The following MAP4K1 variants were observed in gnomAD, a reference collection of about 807,000 sequenced individuals.
The protein encoded by MAP4K1 is mitogen-activated protein kinase kinase kinase kinase 1, also known as MAPK/ERK kinase kinase kinase 1.
MAP4K1 carries 35 observed loss-of-function variants against 122.8 expected under a neutral mutation model. The ratio of observed to expected loss-of-function variants is 0.29; its 90% CI spans 0.22 to 0.38. MAP4K1 has a LOEUF of 0.38. Among genes scored for constraint, MAP4K1 ranks in the 10% least tolerant of loss-of-function variants. The probability of loss-of-function intolerance (pLI) is 1.00; values close to 1 mark genes in which losing one functional copy is unlikely to be tolerated. For synonymous variants in MAP4K1, 412 were observed against 421.3 expected, an observed-to-expected ratio of 0.98 and a Z score of 0.27; for missense variants, 791 against 1,072.6, an observed-to-expected ratio of 0.74 and a Z score of 3.67.
At chr19:38,593,154 G>A (rs1381931356) in intron 30 of MAP4K1, 128 bp downstream of exon 30, 22 of 780,838 alleles carry the variant, frequency 2.8e-5, no homozygotes, top group Non-Finnish European at 4.0e-5. Context: ...AGGGAGCAGG[G>A]ATGGAAGCAG....
Position 38,594,326 on chromosome 19 carries a change from AAG to A in MAP4K1, c.2341-991_2341-990del, listed in dbSNP as rs370608954. On this transcript the variant is annotated intron_variant, in intron 29 of 30. Coordinates refer to ENST00000396857, the MANE Select transcript of MAP4K1 (RefSeq NM_001042600.3). ...TGCACCACTGCACTTCAGCCTGGAC[AAG>A]AGAGAGAGACCCTATCTCCAAAACA... Among the ~76,000 whole-genome samples, 185 of 152,186 alleles carry A rather than the reference AAG, an allele frequency of 1.2e-3. 2 individuals carry two copies. Among genetic ancestry groups the A allele is most frequent in the South Asian group, 9.2e-3 (44 of 4,804 alleles).
Position 38,593,329 on chromosome 19 carries a change from C to A in MAP4K1, c.2349G>T (p.Gln783His). Residue 783 changes from glutamine to histidine, a missense_variant, in exon 30 of 31, where the codon CAG (glutamine) becomes CAT (histidine). Around this residue, in one of 4 missense-constraint regions of MAP4K1, gnomAD observed 267 missense variants for 323.0 expected, o/e 0.83. Coordinates refer to ENST00000396857, the MANE Select transcript of MAP4K1 (RefSeq NM_001042600.3). ...AAGTGAGGGTAGGGTCTCTCAGCTC[C>A]TGTAGCAGCTAGGGAAAAAAAGTGT... ...VWALGSDQLL[Q>H]ELRDPTLTFR... 6.2e-7 allele frequency: 1 copy of A among 1,610,414 alleles called. No individual in the cohort carries two copies. The highest frequency in any genetic ancestry group is 8.5e-7 in the Non-Finnish European group (1 of 1,178,230).
chr19:38,614,426 C>G lies in MAP4K1; in HGVS notation c.333G>C (p.Glu111Asp). The G allele has an allele frequency of 6.2e-7, 1 of 1,614,148 alleles. No individual in the cohort carries two copies. Among genetic ancestry groups the G allele is most frequent in the Non-Finnish European group, 8.5e-7 (1 of 1,180,026 alleles). The change falls in exon 5 of 31, where the codon GAG becomes GAC. Residue 111 changes from glutamate to aspartate, a missense_variant. Transcript: ENST00000396857. ...CCCGGCAGACATAGCTAATCTGGAG[C>G]TCTGACAGGGAGCCTGTCACTGCAA... The part of the protein sequence containing the change: ...DIYQVTGSLS[E>D]LQISYVCREV...
intron 30 of MAP4K1, among the ~76,000 whole-genome samples, chr19:38,591,340 C>G (rs1475848070): frequency 6.6e-6 from 1 of 150,478 alleles, no homozygotes; most frequent in African/African-American, 2.4e-5. Flanking sequence ...ACCAGCCTAA[C>G]CACCATGATG....
chr19:38,608,174 G>C lies in MAP4K1; in HGVS notation c.1007-4C>G. 6.6e-7 allele frequency: 1 copy of C among 1,508,244 alleles called. No individual in the cohort carries two copies. The highest frequency in any genetic ancestry group is 2.3e-5 in the East Asian group (1 of 43,446). 93.4% of individuals were successfully genotyped at this position (1,508,244 alleles called of 1,614,324 possible). A position where few individuals can be genotyped will look rare whatever the true frequency, so the allele number is the denominator to read the frequency against. On this transcript the variant is annotated splice_polypyrimidine_tract_variant and splice_region_variant and intron_variant, in intron 13 of 30. Coordinates refer to ENST00000396857, the MANE Select transcript of MAP4K1 (RefSeq NM_001042600.3). The stretch of plus-strand genomic sequence containing the variant: ...TTCCTGAACTCCATGTGCCGCCCTA[G>C]GGTGGGTGGGGGAAGATAACCTGCT...
At chr19:38,594,330 G>C (rs1974806862) in intron 29 of MAP4K1, among the ~76,000 whole-genome samples, 1 of 152,076 alleles carries the variant, frequency 6.6e-6, no homozygotes, top group Admixed American at 6.6e-5. Flanking sequence ...CTGGACAAGA[G>C]AGAGAGACCC....
chr19:38,611,023 C>T (rs1316101347), intron 11 of MAP4K1, 28 bp downstream of exon 11: 39 of 1,587,646 alleles, frequency 2.5e-5, no homozygotes, highest in Non-Finnish European at 3.3e-5. Context: ...GAATCCTAGG[C>T]TGAGGATCTT....
chr19:38,608,828 A>AAAAAAAAAAAAACAC (rs1555811720), intron 13 of MAP4K1, among the ~76,000 whole-genome samples: 2 of 137,246 alleles, frequency 1.5e-5, no homozygotes, highest in East Asian at 4.5e-4. Context: ...AAAAAAAAAA[A>AAAAAAAAAAAAACAC]ACATTAGCCA....
At position 38,593,750 on chromosome 19, in the gene MAP4K1, G is replaced by T. The variant is rs182127175; in HGVS notation, c.2341-413C>A. ...ACAAAAATTAGCCAGCTGTGGTGGC[G>T]CATGCCTGTAGTCCCAGCTACTTGT... On this transcript the variant is annotated intron_variant, in intron 29 of 30. Coordinates refer to ENST00000396857, the MANE Select transcript of MAP4K1 (RefSeq NM_001042600.3). Among the ~76,000 whole-genome samples, 5 of 152,060 alleles carry T rather than the reference G, an allele frequency of 3.3e-5. No individual in the cohort carries two copies. The South Asian group carries it at 1.0e-3, about 32-fold the overall frequency.
chr19:38,617,737 C>T lies in MAP4K1; in HGVS notation c.99+60G>A, dbSNP rs779174192. ...CCCCCTCTTGCAGCCTCCTCCCTGC[C>T]GAGGGCTTGCCTTAAAGGTCACTGG... On this transcript the variant is annotated intron_variant, in intron 1 of 30. Transcript: ENST00000396857. The surrounding 1 kb of genome is among the most constrained non-coding windows in gnomAD (Gnocchi z 4.1). 1.2e-5 allele frequency: 20 copies of T among 1,605,728 alleles called. No individual in the cohort carries two copies. The highest frequency in any genetic ancestry group is 1.6e-5 in the Non-Finnish European group (19 of 1,172,542).
At chr19:38,603,174 A>G (rs529301231) in intron 19 of MAP4K1, among the ~76,000 whole-genome samples, 1 of 149,876 alleles carries the variant, frequency 6.7e-6, no homozygotes, top group Non-Finnish European at 1.5e-5. Flanking sequence ...ATATATACAC[A>G]TGTACATATA....
Position 38,614,245 on chromosome 19 carries a change from C to A in MAP4K1, c.417G>T (p.Lys139Asn). 6.2e-7 allele frequency: 1 copy of A among 1,614,176 alleles called. No homozygotes were observed. Residue 139 changes from lysine to asparagine, a missense_variant and splice_region_variant, in exon 6 of 31, where the codon AAG becomes AAT. By Grantham distance (94) the Lys-to-Asn change is moderately conservative. This residue lies in a region of MAP4K1 where 163 missense variants were observed against 286.1 expected (regional missense o/e 0.57). Transcript: ENST00000396857. ...CAGCACCCCTACACCCCCAGACCACCTTGATGTCCCTGTGTATCTTCTTCT... is the reference window on the plus strand; with the variant it reads ...CAGCACCCCTACACCCCCAGACCACATTGATGTCCCTGTGTATCTTCTTCT... ...HSQKKIHRDI[K>N]GANILINDAG...
At position 38,609,623 on chromosome 19, in the gene MAP4K1, G is replaced by C; in HGVS notation, c.979C>G (p.Leu327Val). Reference sequence around the variant, plus strand: ...CAGCAGTCTGCATCTGGGATCCCCAGAGAGCTGGAGCGGTGGGTGGATCTG... The same window carrying C: ...CAGCAGTCTGCATCTGGGATCCCCACAGAGCTGGAGCGGTGGGTGGATCTG... ...RIRSTHRSSS[L>V]GIPDADCCRR... is the part of the protein sequence containing the mutation. Residue 327 changes from leucine to valine, a missense_variant, in exon 13 of 31, where the codon CTG (leucine) becomes GTG (valine). Coordinates refer to ENST00000396857, the MANE Select transcript of MAP4K1 (RefSeq NM_001042600.3). 2.5e-6 allele frequency: 4 copies of C among 1,613,952 alleles called. No homozygotes were observed. The South Asian group carries it at 3.3e-5, about 13-fold the overall frequency.
At chr19:38,603,271 T>TATACACATAC (rs1975205044) in intron 19 of MAP4K1, among the ~76,000 whole-genome samples, 1 of 147,784 alleles carries the variant, frequency 6.8e-6, no homozygotes, top group Non-Finnish European at 1.5e-5. Flanking sequence ...CATATACATA[T>TATACACATAC]ATACACATAC....
intron 4 of MAP4K1, among the ~76,000 whole-genome samples, chr19:38,615,793 G>A (rs1975630389): frequency 6.6e-6 from 1 of 152,084 alleles, no homozygotes; most frequent in Admixed American, 6.6e-5. Context: ...GAGTAGCTGG[G>A]ATTACAGGCG....
At chr19:38,611,729 A>G (rs548742815) in intron 9 of MAP4K1, among the ~76,000 whole-genome samples, 2 of 152,316 alleles carry the variant, frequency 1.3e-5, no homozygotes, top group Non-Finnish European at 1.5e-5. Context: ...GAAGTGAACT[A>G]CGATCGTGCC....
rs988030913 is a variant in MAP4K1, at chr19:38,614,754, C to G, written c.314-309G>C. ...TGGCCAACATGGTGAAACCCCATCT[C>G]TACTAAAAAATACAAAAATTAGCCA... On this transcript the variant is annotated intron_variant, in intron 4 of 30. Coordinates refer to ENST00000396857, the MANE Select transcript of MAP4K1 (RefSeq NM_001042600.3). 124 of 394,314 alleles carry G rather than the reference C, an allele frequency of 3.1e-4. 1 individual carries two copies. Among genetic ancestry groups the G allele is most frequent in the Admixed American group, 1.2e-4 (3 of 25,710 alleles). 24.4% of individuals were successfully genotyped at this position (394,314 alleles called of 1,614,324 possible).
intron 29 of MAP4K1, among the ~76,000 whole-genome samples, chr19:38,594,802 A>T (rs1383146472): frequency 6.6e-6 from 1 of 151,612 alleles, no homozygotes. Context: ...TTAGCTAAGC[A>T]TGGCGGCATG....
chr19:38,601,609 C>G (rs1465355321), intron 19 of MAP4K1, 84 bp from the exon 20 acceptor site: 7 of 989,414 alleles, frequency 7.1e-6, no homozygotes, highest in Non-Finnish European at 1.1e-5. Context: ...GACTTTGGAG[C>G]GAGAGTGCCA....
Sources: gnomAD v4.1 joint callset for allele counts (sites outside exome capture counted in the v4.1 genomes callset) on GRCh38, gnomAD v4.1.1 for gene constraint, gnomAD v4.1.1 regional missense constraint, Gnocchi (gnomAD v3.1) non-coding constraint, MANE v1.5 for transcripts, NCBI Gene and HGNC (gene_info 2026-07-23, HGNC 2026-07-21) for gene names.